Variants in WRN observed in about 807,000 individuals in gnomAD.
WRN encodes bifunctional 3'-5' exonuclease/ATP-dependent helicase WRN.
A neutral mutation model predicts 180.7 loss-of-function variants in WRN; 149 were observed. The ratio of observed to expected loss-of-function variants is 0.82; its 90% confidence interval spans 0.72 to 0.94. The LOEUF (loss-of-function observed/expected upper bound fraction) is 0.94, where lower values mean the gene tolerates loss of function less well. Ranked by LOEUF, WRN falls within the 40% of genes least tolerant of loss-of-function variation. The pLI is 0.00. For missense variants in WRN, 1,661 were observed against 1,700.1 expected (o/e 0.98, Z 0.40); for synonymous variants, 548 against 568.9 (o/e 0.96, Z 0.52).
intron 7 of WRN, among the ~76,000 whole-genome samples, chr8:31,070,540 A>G (rs1812872842): frequency 6.6e-6 from 1 of 152,120 alleles, no homozygotes. Context: ...TGAACAAGCC[A>G]GGCATACTCT....
chr8:31,073,740 A>G (rs1212424218), intron 7 of WRN, among the ~76,000 whole-genome samples: 1 of 152,116 alleles, frequency 6.6e-6, no homozygotes, highest in Non-Finnish European at 1.5e-5. Context: ...GAGGACTGGG[A>G]GGGCCACTAA....
At chr8:31,089,107 A>T in intron 13 of WRN, 142 bp downstream of exon 13, 1 of 703,954 alleles carries the variant, frequency 1.4e-6, no homozygotes, top group South Asian at 1.7e-5. Context: ...CTGTGTGACT[A>T]CAAAATTATT....
At chr8:31,045,260 C>T (rs185837866) in intron 1 of WRN, among the ~76,000 whole-genome samples, 9 of 152,226 alleles carry the variant, frequency 5.9e-5, no homozygotes, top group East Asian at 5.8e-4. Context: ...TACACATATA[C>T]GTAGTGAAAT....
intron 18 of WRN, among the ~76,000 whole-genome samples, chr8:31,105,573 T>G (rs1304410999): frequency 6.6e-6 from 1 of 152,234 alleles, no homozygotes; most frequent in Non-Finnish European, 1.5e-5. Flanking sequence ...GTGATTCTTC[T>G]GCTCAGCCTC....
chr8:31,110,930 A>G (rs997474156), intron 18 of WRN, among the ~76,000 whole-genome samples: 2 of 152,202 alleles, frequency 1.3e-5, no homozygotes, highest in African/African-American at 4.8e-5. Flanking sequence ...TTTCTGGAAG[A>G]TGACATATTC....
intron 29 of WRN, 36 bp from the exon 30 acceptor site, chr8:31,147,328 A>G (rs764831981): frequency 6.3e-7 from 1 of 1,596,570 alleles, no homozygotes; most frequent in Non-Finnish European, 8.6e-7. Context: ...TTTTAAGTAC[A>G]CTTTAAAAAG....
chr8:31,126,447 A>C (rs570007094), intron 23 of WRN, among the ~76,000 whole-genome samples: 2 of 152,330 alleles, frequency 1.3e-5, no homozygotes, highest in African/African-American at 2.4e-5. Flanking sequence ...TTTGAACTGA[A>C]TGAAATGAAA....
intron 7 of WRN, among the ~76,000 whole-genome samples, chr8:31,075,071 G>T (rs1813047630): frequency 6.6e-6 from 1 of 152,166 alleles, no homozygotes; most frequent in South Asian, 2.1e-4. Context: ...AAATGCAGGG[G>T]TCAAGGAACT....
chr8:31,150,352 T>C lies in WRN; in HGVS notation c.3584T>C (p.Val1195Ala), dbSNP rs550252124. The change falls in exon 31 of 35, where the codon GTT (valine) becomes GCT (alanine). Residue 1195 changes from valine to alanine, a missense_variant. Physicochemically the swap from Val to Ala is moderately conservative, Grantham distance 64 (BLOSUM62 0). Around this residue, in one of 3 missense-constraint regions of WRN, gnomAD observed 1,141 missense variants for 1,149.4 expected, o/e 0.99. Transcript: ENST00000298139. ...VDMAKMRPTT[V>A]ENVKRIDGVS... is the part of the protein sequence containing the mutation. ...GTTGTTAAACACAGACCAACTACGG[T>C]TGAAAACGTAAAAAGGATTGATGGT... 2.5e-6 allele frequency: 4 copies of C among 1,614,134 alleles called. No homozygotes were observed. In the South Asian group the frequency reaches 3.3e-5, roughly 13 times the overall value.
At chr8:31,080,353 GA>G (rs1223683487) in intron 8 of WRN, among the ~76,000 whole-genome samples, 1 of 151,918 alleles carries the variant, frequency 6.6e-6, no homozygotes, top group Non-Finnish European at 1.5e-5. Flanking sequence ...AAGACAGAGT[GA>G]AAAATTAAGA....
intron 34 of WRN, 141 bp downstream of exon 34, chr8:31,167,371 C>T (rs560770944): frequency 5.4e-6 from 4 of 747,080 alleles, no homozygotes; most frequent in African/African-American, 5.3e-5. Flanking sequence ...CTTTGCTTTT[C>T]ATAAATATGA....
chr8:31,052,686 T>A (rs1585395700), intron 1 of WRN, among the ~76,000 whole-genome samples: 2 of 152,162 alleles, frequency 1.3e-5, no homozygotes, highest in African/African-American at 4.8e-5. Flanking sequence ...TGCGCCTTAA[T>A]TTTTTAATTT....
rs562179442 is a variant in WRN at position 31,127,477 on chromosome 8, A to G, written c.2825+2477A>G. 2.0e-5 allele frequency among the ~76,000 whole-genome samples: 3 copies of G among 152,320 alleles called. No homozygotes were observed. The South Asian group carries it at 6.2e-4, about 32-fold the overall frequency. On this transcript the variant is annotated intron_variant, in intron 23 of 34. Coordinates refer to ENST00000298139, the MANE Select transcript of WRN (RefSeq NM_000553.6). ...TGGGTTAGCTACGTACCTAAGTTCA[A>G]TAGCTGCGTTACTGTAAGACAAAAG...
At position 31,081,294 on chromosome 8, in the gene WRN, G is replaced by A. The variant is rs773546749; in HGVS notation, c.1267G>A (p.Glu423Lys). The change falls in exon 9 of 35, where the codon GAG (glutamate) becomes AAG (lysine). Residue 423 changes from glutamate (E) to lysine (K), a missense_variant and splice_region_variant. This residue lies in a region of WRN where 500 missense variants were observed against 504.1 expected (regional missense o/e 0.99). Transcript: ENST00000298139. ...TAGTGATATTGCTTATAAATCTACT[G>A]AGGTACTAAATAAAGAGGAAGCACA... Reference protein sequence around the residue: ...YLSDIAYKSTEHLSPNDNEND... With the variant: ...YLSDIAYKSTKHLSPNDNEND... 3 of 1,613,284 alleles carry A rather than the reference G, an allele frequency of 1.9e-6. No homozygotes were observed. The highest frequency in any genetic ancestry group is 3.3e-5 in the Admixed American group (2 of 59,952).
In WRN at chr8:31,076,282, A is replaced by G. The variant is rs527842476; in HGVS notation, c.834A>G (p.Pro278=). The change falls in exon 8 of 35, where the codon CCA becomes CCG. Residue 278 remains proline (P), a synonymous_variant. Coordinates refer to ENST00000298139, the MANE Select transcript of WRN (RefSeq NM_000553.6). ...LPHAFSKLEN[P]RRVSILLKDI... Reference sequence around the variant, plus strand: ...ATGCTTTCAGTAAATTGGAAAACCCACGGAGGTTAAATATTACCTTTTTTT... The same window carrying G: ...ATGCTTTCAGTAAATTGGAAAACCCGCGGAGGTTAAATATTACCTTTTTTT... 2 of 1,611,352 alleles carry G rather than the reference A, an allele frequency of 1.2e-6. No homozygotes were observed. The highest frequency in any genetic ancestry group is 1.7e-5 in the Admixed American group (1 of 59,968).
intron 1 of WRN, among the ~76,000 whole-genome samples, chr8:31,036,931 G>T (rs938932602): frequency 2.6e-5 from 4 of 152,130 alleles, no homozygotes; most frequent in African/African-American, 9.7e-5. Flanking sequence ...TCATTGCCCA[G>T]ATCAGCAGTC....
chr8:31,172,887 G>A (rs1323679691), intron 34 of WRN, 108 bp from the exon 35 acceptor site: 2 of 878,108 alleles, frequency 2.3e-6, no homozygotes, highest in Admixed American at 2.0e-5. Flanking sequence ...GTTTGGATGG[G>A]GGAGAAAGGA....
At chr8:31,121,409 G>C (rs191366255) in intron 21 of WRN, among the ~76,000 whole-genome samples, 4 of 152,048 alleles carry the variant, frequency 2.6e-5, no homozygotes, top group Admixed American at 2.6e-4. Flanking sequence ...GGGAGATATA[G>C]TAGTAAAGAA....
intron 28 of WRN, among the ~76,000 whole-genome samples, chr8:31,144,159 A>G (rs1802771156): frequency 1.3e-5 from 2 of 152,188 alleles, no homozygotes; most frequent in Admixed American, 1.3e-4. Context: ...TGCGTCAAAC[A>G]GGTCATATTA....
Sources: allele counts gnomAD v4.1 joint callset (sites outside exome capture counted in the v4.1 genomes callset), GRCh38; gene constraint gnomAD v4.1.1; regional missense constraint gnomAD v4.1.1; transcripts MANE v1.5; gene names NCBI Gene and HGNC (gene_info 2026-07-23, HGNC 2026-07-21).